The following MED13L variants were observed in gnomAD, a reference collection of about 807,000 sequenced individuals.
MED13L encodes mediator complex subunit 13L, also known as mediator of RNA polymerase II transcription subunit 13-like.
A neutral mutation model predicts 220.9 loss-of-function variants in MED13L; 7 were observed. That is an observed-to-expected ratio of 0.03 (90% CI 0.02 to 0.06). The LOEUF (loss-of-function observed/expected upper bound fraction) is 0.06. Ranked by LOEUF, MED13L falls within the 10% of genes least tolerant of loss-of-function variation. The pLI is 1.00. For synonymous variants in MED13L, 1,011 were observed against 1,015.2 expected, an observed-to-expected ratio of 1.00 and a Z score of 0.08; for missense variants, 1,965 against 2,760.5, an observed-to-expected ratio of 0.71 and a Z score of 6.46.
chr12:116,196,612 A>C (rs1002444608), intron 2 of MED13L, among the ~76,000 whole-genome samples: 4 of 152,228 alleles, frequency 2.6e-5, no homozygotes, highest in Non-Finnish European at 5.9e-5. Context: ...ATCAAAAAGC[A>C]AACCTACTGC....
chr12:115,996,434 G>T (rs755972164), intron 16 of MED13L, 42 bp downstream of exon 16: 5 of 1,579,902 alleles, frequency 3.2e-6, no homozygotes, highest in Non-Finnish European at 4.4e-6. Flanking sequence ...GATAAAAATT[G>T]CATCAAATAT....
chr12:116,009,670 A>G (rs1267433444), intron 9 of MED13L, among the ~76,000 whole-genome samples: 1 of 152,226 alleles, frequency 6.6e-6, no homozygotes, highest in African/African-American at 2.4e-5. Flanking sequence ...GGATAAATAT[A>G]CTAGAAACTT....
intron 4 of MED13L, among the ~76,000 whole-genome samples, chr12:116,028,941 C>G (rs966544595): frequency 2.6e-5 from 4 of 152,152 alleles, no homozygotes; most frequent in Non-Finnish European, 5.9e-5. Context: ...CCTATACATA[C>G]TCTCTTCCAT....
chr12:116,066,730 T>C (rs1396764457), intron 4 of MED13L, among the ~76,000 whole-genome samples: 2 of 151,798 alleles, frequency 1.3e-5, no homozygotes, highest in African/African-American at 4.8e-5. Flanking sequence ...GACCCCTAAC[T>C]TGTGAATTTT....
intron 2 of MED13L, among the ~76,000 whole-genome samples, chr12:116,128,069 T>G (rs1323512201): frequency 6.6e-6 from 1 of 152,196 alleles, no homozygotes; most frequent in Non-Finnish European, 1.5e-5. Context: ...TGGAAAGTAG[T>G]CCTGTCCCAG....
rs556396122 is a variant in MED13L, at chr12:115,966,392, C to G, written c.6226-149G>C. ...ACAACAGGTGACTGAGAAAGGTAAG[C>G]GGGGCCAGCATCGTCTTTGCTGCAC... On this transcript the variant is annotated intron_variant, in intron 28 of 30. Coordinates refer to ENST00000281928, the MANE Select transcript of MED13L (RefSeq NM_015335.5). The G allele has an allele frequency of 1.3e-5, 12 of 900,140 alleles. No individual in the cohort carries two copies. The South Asian group carries it at 1.7e-4, about 13-fold the overall frequency. The allele number at this position is 900,140 out of a possible 1,614,324, so 55.8% of individuals were successfully genotyped here. A position where few individuals can be genotyped will look rare whatever the true frequency, so the allele number is the denominator to read the frequency against.
intron 2 of MED13L, among the ~76,000 whole-genome samples, chr12:116,220,595 A>C (rs974703518): frequency 6.6e-6 from 1 of 152,190 alleles, no homozygotes; most frequent in Non-Finnish European, 1.5e-5. Flanking sequence ...GCTACTTGGG[A>C]GGCTGAGGCA....
chr12:115,986,613 A>G, intron 18 of MED13L, 124 bp from the exon 19 acceptor site: 2 of 917,678 alleles, frequency 2.2e-6, no homozygotes, highest in Middle Eastern at 6.4e-4. Context: ...TTCACAAGAC[A>G]TTCTTAAAAG....
At chr12:116,251,405 C>T (rs147928270) in intron 1 of MED13L, among the ~76,000 whole-genome samples, 12,167 of 141,686 alleles carry the variant, frequency 0.086, 621 homozygotes, top group East Asian at 0.2. Context: ...CGTGATCCAC[C>T]CGCCTCGGTC....
At chr12:116,064,380 T>C (rs1262032687) in intron 4 of MED13L, among the ~76,000 whole-genome samples, 2 of 152,156 alleles carry the variant, frequency 1.3e-5, no homozygotes, top group African/African-American at 4.8e-5. Context: ...ACAGACGTAC[T>C]TTTTAAAAAT....
intron 1 of MED13L, among the ~76,000 whole-genome samples, chr12:116,263,346 T>C (rs1013886819): frequency 1.3e-5 from 2 of 151,722 alleles, no homozygotes; most frequent in Non-Finnish European, 2.9e-5. Flanking sequence ...TGAGAAAAGG[T>C]CTAAAAATCT....
At chr12:115,961,548 T>C in intron 30 of MED13L, 150 bp from the exon 31 acceptor site, 1 of 1,093,318 alleles carries the variant, frequency 9.1e-7, no homozygotes, top group South Asian at 1.4e-5. Flanking sequence ...CTTTGTCTCA[T>C]GTTCCTCCTT....
intron 2 of MED13L, among the ~76,000 whole-genome samples, chr12:116,224,769 C>T (rs985073926): frequency 2.0e-5 from 3 of 152,144 alleles, no homozygotes; most frequent in African/African-American, 4.8e-5. Context: ...CCTTGACCTC[C>T]GAAGCCTAGC....
At chr12:116,095,307 C>T (rs1872558800) in intron 4 of MED13L, among the ~76,000 whole-genome samples, 1 of 152,148 alleles carries the variant, frequency 6.6e-6, no homozygotes, top group South Asian at 2.1e-4. Context: ...TTCACACACC[C>T]ATACACATTG....
chr12:116,017,646 A>C (rs993836700), intron 7 of MED13L, among the ~76,000 whole-genome samples: 1 of 152,168 alleles, frequency 6.6e-6, no homozygotes, highest in Admixed American at 6.5e-5. Flanking sequence ...GATATGGTCT[A>C]GCTCCGTCGA....
intron 3 of MED13L, among the ~76,000 whole-genome samples, chr12:116,107,059 C>T (rs1451606597): frequency 6.6e-6 from 1 of 152,122 alleles, no homozygotes; most frequent in African/African-American, 2.4e-5. Context: ...CACCATGTTA[C>T]TGGTGAAGGA....
chr12:116,044,627 A>G (rs1405037055), intron 4 of MED13L, among the ~76,000 whole-genome samples: 1 of 152,224 alleles, frequency 6.6e-6, no homozygotes. Context: ...GAGCTGAGAC[A>G]ACATTTGAGA....
intron 4 of MED13L, among the ~76,000 whole-genome samples, chr12:116,062,766 A>G (rs573513185): frequency 4.6e-5 from 7 of 152,204 alleles, no homozygotes; most frequent in African/African-American, 1.4e-4. Context: ...TTTAAAACAG[A>G]GGGGGAAAAC....
chr12:116,172,060 A>G (rs1879719418), intron 2 of MED13L, among the ~76,000 whole-genome samples: 1 of 152,210 alleles, frequency 6.6e-6, no homozygotes, highest in Admixed American at 6.6e-5. Flanking sequence ...ATAAGATAAA[A>G]CTACAGGGAG....
Sources: allele counts gnomAD v4.1 joint callset (sites outside exome capture counted in the v4.1 genomes callset), GRCh38; gene constraint gnomAD v4.1.1; transcripts MANE v1.5; gene names NCBI Gene and HGNC (gene_info 2026-07-23, HGNC 2026-07-21).